Variants in PLCE1 observed in about 807,000 individuals in gnomAD.
PLCE1 encodes the protein 1-phosphatidylinositol 4,5-bisphosphate phosphodiesterase epsilon-1.
PLCE1 carries 119 observed loss-of-function variants against 242.8 expected under a neutral mutation model. The observed-to-expected ratio is 0.49, with a 90% CI of 0.42 to 0.57. PLCE1 has a LOEUF of 0.57. Ranked by LOEUF, PLCE1 falls within the 20% of genes least tolerant of loss-of-function variation. The pLI is 0.00. For missense variants in PLCE1, 2,441 were observed against 2,788.8 expected (o/e 0.88, Z 2.81); for synonymous variants, 945 against 1,017.4 (o/e 0.93, Z 1.35).
intron 2 of PLCE1, 148 bp downstream of exon 2, chr10:94,032,400 CA>C (rs2061578169): frequency 1.4e-6 from 1 of 715,916 alleles, no homozygotes; most frequent in Admixed American, 2.5e-5. Context: ...TTATTGAAAA[CA>C]GATACTCCAA....
At chr10:94,127,683 A>G (rs149549536) in intron 2 of PLCE1, among the ~76,000 whole-genome samples, 121 of 152,314 alleles carry the variant, frequency 7.9e-4, no homozygotes, top group Admixed American at 2.0e-3. Context: ...AGCATTTACT[A>G]AGTGCCAGAT....
intron 4 of PLCE1, among the ~76,000 whole-genome samples, chr10:94,190,681 A>C (rs892285441): frequency 2.0e-5 from 3 of 152,240 alleles, no homozygotes; most frequent in Non-Finnish European, 4.4e-5. Context: ...GGTGTTCAAC[A>C]AGTGCTAATT....
intron 2 of PLCE1, among the ~76,000 whole-genome samples, chr10:94,075,789 G>A (rs866471199): frequency 2.0e-5 from 3 of 152,216 alleles, no homozygotes; most frequent in South Asian, 2.1e-4. Flanking sequence ...TTCAGAATGC[G>A]TTCTGCTGTT....
chr10:94,223,960 A>C (rs928493808), intron 4 of PLCE1, among the ~76,000 whole-genome samples: 2 of 152,132 alleles, frequency 1.3e-5, no homozygotes, highest in Non-Finnish European at 2.9e-5. Context: ...TTGTCACTGA[A>C]TCTTCATTTC....
At chr10:94,006,465 A>G (rs1000667041) in intron 1 of PLCE1, among the ~76,000 whole-genome samples, 1 of 152,220 alleles carries the variant, frequency 6.6e-6, no homozygotes, top group African/African-American at 2.4e-5. Flanking sequence ...CTACCATTTA[A>G]TAACTGTGAG....
intron 28 of PLCE1, among the ~76,000 whole-genome samples, chr10:94,313,641 T>C (rs2053462519): frequency 6.6e-6 from 1 of 152,184 alleles, no homozygotes; most frequent in Admixed American, 6.5e-5. Flanking sequence ...TCTTAAGCTA[T>C]ATAAAATACC....
At chr10:94,057,012 C>T (rs1466452328) in intron 2 of PLCE1, among the ~76,000 whole-genome samples, 5 of 152,162 alleles carry the variant, frequency 3.3e-5, no homozygotes, top group South Asian at 4.1e-4. Flanking sequence ...AATACTACCC[C>T]GTTGTGTGGA....
At chr10:94,138,331 C>A (rs1404128389) in intron 3 of PLCE1, 6 of 370,844 alleles carry the variant, frequency 1.6e-5, no homozygotes, top group Non-Finnish European at 2.7e-5. Flanking sequence ...ATGCCACAGA[C>A]TGGGTCATGA....
chr10:94,316,482 C>A lies in PLCE1; in HGVS notation c.6133-65C>A. On this transcript the variant is annotated intron_variant, in intron 28 of 32. Transcript: ENST00000371380. Reference sequence around the variant, plus strand: ...ATTGCATAGCAAACCTATCTGAACACCATGAAAGTTGATTTGTTTTAAGTT... The same window carrying A: ...ATTGCATAGCAAACCTATCTGAACAACATGAAAGTTGATTTGTTTTAAGTT... 3.0e-6 allele frequency: 3 copies of A among 989,228 alleles called. No individual in the cohort carries two copies. The Admixed American group carries it at 5.1e-5, about 17-fold the overall frequency. 61.3% of individuals were successfully genotyped at this position (989,228 alleles called of 1,614,324 possible).
intron 2 of PLCE1, among the ~76,000 whole-genome samples, chr10:94,110,263 C>T (rs1235619049): frequency 3.3e-5 from 5 of 151,768 alleles, no homozygotes; most frequent in South Asian, 2.1e-4. Context: ...GAGGTTTCAC[C>T]GTGTTAGCCA....
At chr10:94,000,413 G>A (rs74151944) in intron 1 of PLCE1, among the ~76,000 whole-genome samples, 1 of 152,196 alleles carries the variant, frequency 6.6e-6, no homozygotes, top group South Asian at 2.1e-4. Context: ...AGGGGTAACA[G>A]TAGTACCTAT....
chr10:94,190,855 G>A (rs1303742011), intron 4 of PLCE1, among the ~76,000 whole-genome samples: 1 of 152,246 alleles, frequency 6.6e-6, no homozygotes, highest in Admixed American at 6.5e-5. Context: ...CTAGATTGGT[G>A]ATGCAGATAC....
intron 24 of PLCE1, among the ~76,000 whole-genome samples, chr10:94,299,603 T>C (rs1181722374): frequency 2.0e-5 from 3 of 152,256 alleles, no homozygotes; most frequent in African/African-American, 4.8e-5. Context: ...GCAGCTGTTA[T>C]CATTCATCTC....
At chr10:94,209,469 A>C (rs1045792500) in intron 4 of PLCE1, among the ~76,000 whole-genome samples, 3 of 152,226 alleles carry the variant, frequency 2.0e-5, no homozygotes, top group African/African-American at 7.2e-5. Context: ...AGCTTTCATC[A>C]ACTCATAGCA....
chr10:94,199,844 C>A (rs1431978579), intron 4 of PLCE1, among the ~76,000 whole-genome samples: 6 of 147,980 alleles, frequency 4.1e-5, no homozygotes, highest in Non-Finnish European at 7.5e-5. Flanking sequence ...CCTAACCAGG[C>A]AGTGTCCCCA....
At chr10:94,196,326 C>T (rs886318311) in intron 4 of PLCE1, among the ~76,000 whole-genome samples, 3 of 152,182 alleles carry the variant, frequency 2.0e-5, no homozygotes, top group Admixed American at 6.6e-5. Flanking sequence ...TTCTCTTCTT[C>T]GTTCCTTTGA....
At chr10:94,258,649 G>A in intron 11 of PLCE1, 151 bp from the exon 12 acceptor site, 1 of 822,414 alleles carries the variant, frequency 1.2e-6, no homozygotes, top group Non-Finnish European at 2.0e-6. Flanking sequence ...TAGGTTAAGA[G>A]ATGTGAAAAG....
At chr10:94,084,065 A>G (rs2044731680) in intron 2 of PLCE1, among the ~76,000 whole-genome samples, 1 of 152,146 alleles carries the variant, frequency 6.6e-6, no homozygotes, top group Non-Finnish European at 1.5e-5. Flanking sequence ...TAAGAATGGT[A>G]GCTGCTAAAA....
At chr10:94,217,006 G>A (rs2049551893) in intron 4 of PLCE1, among the ~76,000 whole-genome samples, 1 of 147,886 alleles carries the variant, frequency 6.8e-6, no homozygotes, top group Admixed American at 6.7e-5. Context: ...AGACTCAACA[G>A]TAAATTAGCA....
Sources: allele counts gnomAD v4.1 joint callset (sites outside exome capture counted in the v4.1 genomes callset), GRCh38; gene constraint gnomAD v4.1.1; transcripts MANE v1.5; gene names NCBI Gene and HGNC (gene_info 2026-07-23, HGNC 2026-07-21).